RSPH14: variants seen among roughly 807,000 people sequenced by gnomAD.
RSPH14 encodes radial spoke head 14 homolog, also known as rhabdoid tumor deletion region gene 1.
A neutral mutation model predicts 26.7 loss-of-function variants in RSPH14; 20 were observed. That is an observed-to-expected ratio of 0.75 (90% CI 0.53 to 1.09). The LOEUF is 1.09. Ranked by LOEUF, RSPH14 falls within the 50% of genes least tolerant of loss-of-function variation. The probability of loss-of-function intolerance (pLI) is 0.00; values close to 1 mark genes in which losing one functional copy is unlikely to be tolerated. For synonymous variants in RSPH14, 177 were observed against 189.3 expected (o/e 0.93, Z 0.53); for missense variants, 449 against 457.2 (o/e 0.98, Z 0.16).
chr22:23,169,175 G>A, the RSPH14 span, among the ~76,000 whole-genome samples: 2 of 152,228 alleles, frequency 1.3e-5, no homozygotes, highest in Non-Finnish European at 2.9e-5. Context: ...CGGAACCTGG[G>A]ACCAGCAGCT....
chr22:23,158,878 CCT>C, the RSPH14 span: 1 of 1,609,722 alleles, frequency 6.2e-7, no homozygotes, highest in Non-Finnish European at 8.5e-7. Flanking sequence ...AATCTCTCAG[CCT>C]CTCTCCTTAC....
chr22:23,060,042 A>G (rs1340516865), intron 6 of RSPH14, among the ~76,000 whole-genome samples: 2 of 152,180 alleles, frequency 1.3e-5, no homozygotes, highest in African/African-American at 4.8e-5. Flanking sequence ...ATCCAGATGT[A>G]GTGACAGGTG....
intron 4 of RSPH14, among the ~76,000 whole-genome samples, chr22:23,119,040 GGCAT>G (rs1306127726): frequency 4.6e-5 from 7 of 152,230 alleles, no homozygotes; most frequent in African/African-American, 1.4e-4. Flanking sequence ...GCCAGCAGAA[GGCAT>G]GCTGGGGCTT....
chr22:23,146,746 C>G (rs1400439559), upstream of RSPH14: 1 of 1,589,404 alleles, frequency 6.3e-7, no homozygotes, highest in East Asian at 2.3e-5. Flanking sequence ...GCTCTCCCCA[C>G]TCTACACTCA....
intron 5 of RSPH14, among the ~76,000 whole-genome samples, 191 bp from the exon 6 acceptor site, chr22:23,062,136 C>T (rs57627935): frequency 0.023 from 3,522 of 152,300 alleles, 152 homozygotes; most frequent in African/African-American, 0.081. Flanking sequence ...TTGGTGTGAA[C>T]GCGGCCCACT....
chr22:23,161,566 T>C, the RSPH14 span: 1 of 1,607,464 alleles, frequency 6.2e-7, no homozygotes, highest in African/African-American at 1.3e-5. Flanking sequence ...TGCTGCTAAC[T>C]GGGGCCTGCG....
intron 4 of RSPH14, among the ~76,000 whole-genome samples, chr22:23,097,670 C>T (rs559421567): frequency 1.3e-5 from 2 of 152,370 alleles, no homozygotes; most frequent in Non-Finnish European, 2.9e-5. Flanking sequence ...CTGTGGTTGC[C>T]ACAAGTTCAG....
rs2068551336 is a variant in RSPH14, at chr22:23,077,935, GC to G, written c.422-13803del. ...TAACTGTGGCCAGGCCAGGGGAGGA[GC>G]AACTCCACCATGAGGGCTTGGCCCT... On this transcript the variant is annotated intron_variant, in intron 4 of 6. Coordinates refer to ENST00000216036, the MANE Select transcript of RSPH14 (RefSeq NM_014433.3). 2.0e-5 allele frequency among the ~76,000 whole-genome samples: 3 copies of G among 152,190 alleles called. No homozygotes were observed. In the South Asian group the frequency reaches 6.2e-4, roughly 31 times the overall value.
the RSPH14 span, chr22:23,180,570 A>AGGC: frequency 0.029 from 3,120 of 108,666 alleles, 52 homozygotes; most frequent in Non-Finnish European, 0.031. Flanking sequence ...GCGTCCGAGG[A>AGGC]GGCGGCGGCG....
chr22:23,116,329 T>A (rs995603065), intron 4 of RSPH14, among the ~76,000 whole-genome samples: 8 of 152,236 alleles, frequency 5.3e-5, no homozygotes, highest in African/African-American at 1.9e-4. Flanking sequence ...CATGAAGGGC[T>A]GGCCTGTCCG....
chr22:23,155,028 G>A, the RSPH14 span, among the ~76,000 whole-genome samples: 1 of 152,184 alleles, frequency 6.6e-6, no homozygotes, highest in African/African-American at 2.4e-5. Context: ...GGGAGGCTGA[G>A]GCAGGAGAAT....
the RSPH14 span, chr22:23,153,284 C>T: frequency 2.2e-5 from 15 of 671,134 alleles, no homozygotes; most frequent in East Asian, 3.7e-4. Context: ...AGCTTCCTGG[C>T]TCCCAGAGCC....
chr22:23,164,380 C>T, the RSPH14 span: 1 of 152,402 alleles, frequency 6.6e-6, no homozygotes, highest in African/African-American at 2.4e-5. Flanking sequence ...CCCACACACC[C>T]TGACTGACAT....
intron 4 of RSPH14, among the ~76,000 whole-genome samples, chr22:23,097,547 T>C (rs2069162890): frequency 6.6e-6 from 1 of 152,208 alleles, no homozygotes; most frequent in South Asian, 2.1e-4. Context: ...GTGTTGATGG[T>C]GTGCCTGGGG....
chr22:23,156,002 A>G, the RSPH14 span: 139 of 1,613,072 alleles, frequency 8.6e-5, no homozygotes, highest in Non-Finnish European at 1.2e-4. Flanking sequence ...GTTCAAGTGC[A>G]TCGCATCTGC....
the RSPH14 span, chr22:23,164,052 C>T: frequency 3.1e-4 from 47 of 152,370 alleles, no homozygotes; most frequent in African/African-American, 1.1e-3. Context: ...GCCCTTCTCC[C>T]GACTGCGGCC....
the RSPH14 span, chr22:23,161,083 T>TG: frequency 6.8e-7 from 1 of 1,459,896 alleles, no homozygotes; most frequent in African/African-American, 1.4e-5. Context: ...CCTGAGGCCT[T>TG]GCCATTTCCT....
At chr22:23,152,759 T>C in the RSPH14 span, among the ~76,000 whole-genome samples, 1 of 152,162 alleles carries the variant, frequency 6.6e-6, no homozygotes, top group African/African-American at 2.4e-5. Flanking sequence ...ACTGTCCCCC[T>C]GGGGCCACGG....
At chr22:23,160,711 G>A in the RSPH14 span, among the ~76,000 whole-genome samples, 2 of 152,180 alleles carry the variant, frequency 1.3e-5, no homozygotes, top group Non-Finnish European at 2.9e-5. Context: ...TGTGCTGCCT[G>A]TGTGAGTGGG....
Sources: allele counts gnomAD v4.1 joint callset (sites outside exome capture counted in the v4.1 genomes callset), GRCh38; gene constraint gnomAD v4.1.1; transcripts MANE v1.5; gene names NCBI Gene and HGNC (gene_info 2026-07-23, HGNC 2026-07-21).